Variants in UHRF1 observed in about 807,000 individuals in gnomAD.
The protein encoded by UHRF1 is ubiquitin like with PHD and ring finger domains 1, also known as E3 ubiquitin-protein ligase UHRF1.
UHRF1 carries 9 observed loss-of-function variants against 96.5 expected under a neutral mutation model. The observed-to-expected ratio is 0.09, with a 90% CI of 0.06 to 0.16. UHRF1 has a LOEUF of 0.16. UHRF1 is among the 10% of genes least tolerant of loss of function. The pLI, the probability that UHRF1 is intolerant of heterozygous loss-of-function variation, is 1.00. For missense variants in UHRF1, 626 were observed against 1,131.1 expected (o/e 0.55, Z 6.40); for synonymous variants, 455 against 469.9 (o/e 0.97, Z 0.41).
chr19:4,926,113 C>T (rs945600579), intron 2 of UHRF1, among the ~76,000 whole-genome samples: 12 of 151,886 alleles, frequency 7.9e-5, no homozygotes, highest in African/African-American at 2.7e-4. Flanking sequence ...CCAGGCTGGT[C>T]TTGAACTCCT....
At chr19:4,955,344 G>A (rs1227197582) in intron 15 of UHRF1, among the ~76,000 whole-genome samples, 9 of 151,988 alleles carry the variant, frequency 5.9e-5, no homozygotes, top group Non-Finnish European at 1.3e-4. Flanking sequence ...TCGGCTCGGG[G>A]CCCCTTCCTC....
chr19:4,942,837 G>T (rs547326915), intron 7 of UHRF1, among the ~76,000 whole-genome samples: 3 of 152,310 alleles, frequency 2.0e-5, no homozygotes, highest in African/African-American at 7.2e-5. Context: ...GGAGGCCGAG[G>T]TAAGAGGATC....
intron 2 of UHRF1, among the ~76,000 whole-genome samples, chr19:4,919,503 T>C (rs1429520284): frequency 4.0e-5 from 6 of 151,864 alleles, no homozygotes; most frequent in East Asian, 1.9e-4. Flanking sequence ...GGAGTTTCAC[T>C]GTGTTAGCCA....
At chr19:4,937,747 T>C (rs1035950543) in intron 5 of UHRF1, among the ~76,000 whole-genome samples, 1 of 152,210 alleles carries the variant, frequency 6.6e-6, no homozygotes, top group African/African-American at 2.4e-5. Flanking sequence ...GGTTGGTCAA[T>C]ACCAGCCTTA....
At chr19:4,953,380 A>G (rs1195606278) in intron 13 of UHRF1, among the ~76,000 whole-genome samples, 2 of 152,202 alleles carry the variant, frequency 1.3e-5, no homozygotes, top group Non-Finnish European at 2.9e-5. Flanking sequence ...TAGGCACAGT[A>G]TGAGATTCAC....
At position 4,951,052 on chromosome 19, in the gene UHRF1, C is replaced by G. The variant is rs262549; in HGVS notation, c.1818+56C>G. 290,014 of 1,502,486 alleles carry G rather than the reference C, an allele frequency of 0.19. 30,040 individuals carry two copies. Among genetic ancestry groups the G allele is most frequent in the African/African-American group, 0.35 (25,227 of 71,340 alleles). The allele number at this position is 1,502,486 out of a possible 1,614,324, so 93.1% of individuals were successfully genotyped here. A position where few individuals can be genotyped will look rare whatever the true frequency, so the allele number is the denominator to read the frequency against. On this transcript the variant is annotated intron_variant, in intron 13 of 16. Coordinates refer to ENST00000650932, the MANE Select transcript of UHRF1 (RefSeq NM_001048201.3). ...GAGGCCAAGGCGGATGGATCACTTA[C>G]GTTAGGAGTTCAAGACCAGCCTGGC...
Position 4,923,746 on chromosome 19 carries a change from C to T in UHRF1, c.154-5476C>T, listed in dbSNP as rs1039591233. On this transcript the variant is annotated intron_variant, in intron 2 of 16. Coordinates refer to ENST00000650932, the MANE Select transcript of UHRF1 (RefSeq NM_001048201.3). Reference sequence around the variant, plus strand: ...ACATTCATGACTCGGGCGCTCCTGGCGTGGAGTAGGTGGAGGCCTGGAGTG... The same window carrying T: ...ACATTCATGACTCGGGCGCTCCTGGTGTGGAGTAGGTGGAGGCCTGGAGTG... 7.2e-5 allele frequency among the ~76,000 whole-genome samples: 11 copies of T among 152,280 alleles called. No individual in the cohort carries two copies. In the East Asian group the frequency reaches 9.7e-4, roughly 13 times the overall value.
In UHRF1 at chr19:4,930,708, C is replaced by A. The variant is rs189900975; in HGVS notation, c.409-8C>A. 1.8e-5 allele frequency: 29 copies of A among 1,613,018 alleles called. No individual in the cohort carries two copies. In the African/African-American group the frequency reaches 3.6e-4, roughly 20 times the overall value. On this transcript the variant is annotated splice_polypyrimidine_tract_variant and splice_region_variant and intron_variant, in intron 3 of 16. Coordinates refer to ENST00000650932, the MANE Select transcript of UHRF1 (RefSeq NM_001048201.3). This position sits in a 1 kb window ranked among gnomAD's most constrained non-coding sequence, Gnocchi z 4.4. ...GTTGGGATGCCAGACTTCCCTCATT[C>A]CTCACAGGTCAATGAGTACGTCGAT...
At chr19:4,925,250 CT>C (rs2032831403) in intron 2 of UHRF1, among the ~76,000 whole-genome samples, 1 of 152,182 alleles carries the variant, frequency 6.6e-6, no homozygotes, top group Non-Finnish European at 1.5e-5. Context: ...ATTTTGTCAC[CT>C]TGAAAGGAAA....
intron 1 of UHRF1, 151 bp from the exon 2 acceptor site, chr19:4,910,725 A>G (rs1175995349): frequency 1.2e-6 from 1 of 816,404 alleles, no homozygotes; most frequent in Non-Finnish European, 1.8e-6. Context: ...GGTCCTGGCC[A>G]GGGTCTGGCT....
intron 2 of UHRF1, among the ~76,000 whole-genome samples, chr19:4,924,035 T>C (rs2146315255): frequency 6.6e-6 from 1 of 152,340 alleles, no homozygotes; most frequent in African/African-American, 2.4e-5. Context: ...GGCGAGATCC[T>C]GGCTCACTGC....
At chr19:4,910,512 G>GAATGAATGAATC (rs1313518476) in intron 1 of UHRF1, 1 of 181,906 alleles carries the variant, frequency 5.5e-6, no homozygotes, top group Non-Finnish European at 1.1e-5. Flanking sequence ...GGAATCCGAG[G>GAATGAATGAATC]AATGAATGAA....
At chr19:4,951,190 C>A (rs191382194) in intron 13 of UHRF1, among the ~76,000 whole-genome samples, 194 bp downstream of exon 13, 466 of 152,234 alleles carry the variant, frequency 3.1e-3, no homozygotes, top group Non-Finnish European at 4.8e-3. Flanking sequence ...TGCTTGAACC[C>A]AGAAGGTGGA....
intron 15 of UHRF1, among the ~76,000 whole-genome samples, chr19:4,955,169 A>G (rs180780935): frequency 6.6e-6 from 1 of 152,110 alleles, no homozygotes; most frequent in Admixed American, 6.5e-5. Context: ...AGTGACCCCA[A>G]GCCTAGGAGT....
chr19:4,920,508 AT>A (rs1276779862), intron 2 of UHRF1, among the ~76,000 whole-genome samples: 1 of 152,024 alleles, frequency 6.6e-6, no homozygotes, highest in Non-Finnish European at 1.5e-5. Context: ...GATCTTGTTC[AT>A]TTTGCTCATT....
intron 5 of UHRF1, among the ~76,000 whole-genome samples, chr19:4,939,209 C>T (rs1050093820): frequency 1.4e-5 from 2 of 143,704 alleles, no homozygotes; most frequent in East Asian, 4.2e-4. Flanking sequence ...TGAGCCACTG[C>T]ACCCGGCCAT....
chr19:4,925,972 A>G (rs2032857043), intron 2 of UHRF1, among the ~76,000 whole-genome samples: 2 of 151,798 alleles, frequency 1.3e-5, no homozygotes, highest in African/African-American at 2.4e-5. Flanking sequence ...ATCTCGGCTC[A>G]CTGCAACTTC....
At chr19:4,951,990 C>T (rs1193733004) in intron 13 of UHRF1, among the ~76,000 whole-genome samples, 2 of 152,172 alleles carry the variant, frequency 1.3e-5, no homozygotes, top group Non-Finnish European at 2.9e-5. Flanking sequence ...CTCAGGTTGT[C>T]TTTTGAATGG....
upstream of UHRF1, among the ~76,000 whole-genome samples, chr19:4,905,167 A>AGTGCAGTG (rs1313993059): frequency 8.2e-6 from 1 of 121,870 alleles, no homozygotes; most frequent in African/African-American, 3.3e-5. Flanking sequence ...CCCAGGCTGG[A>AGTGCAGTG]GTGCAGTGGT....
Sources: allele counts gnomAD v4.1 joint callset (sites outside exome capture counted in the v4.1 genomes callset), GRCh38; gene constraint gnomAD v4.1.1; non-coding constraint Gnocchi (gnomAD v3.1); transcripts MANE v1.5; gene names NCBI Gene and HGNC (gene_info 2026-07-23, HGNC 2026-07-21).